ISM2: variants seen among roughly 807,000 people sequenced by gnomAD.
ISM2 encodes the protein isthmin-2.
In ISM2, 50 loss-of-function variants were observed where a neutral mutation model predicts 58.0. The observed-to-expected ratio is 0.86, with a 90% CI of 0.69 to 1.09. ISM2 has a LOEUF of 1.09. ISM2 is among the 50% of genes least tolerant of loss of function. The pLI is 0.00. For missense variants in ISM2, 723 were observed against 745.0 expected, an observed-to-expected ratio of 0.97 and a Z score of 0.34; for synonymous variants, 303 against 312.4, an observed-to-expected ratio of 0.97 and a Z score of 0.32.
chr14:77,477,659 CCT>C (rs2079106543), intron 6 of ISM2, among the ~76,000 whole-genome samples: 1 of 152,218 alleles, frequency 6.6e-6, no homozygotes. Context: ...GCTGACATCC[CCT>C]GTGCCAGCAC....
chr14:77,491,151 C>T (rs2079201220), intron 1 of ISM2, among the ~76,000 whole-genome samples: 1 of 152,228 alleles, frequency 6.6e-6, no homozygotes, highest in African/African-American at 2.4e-5. Flanking sequence ...GACAATGGAC[C>T]GGGACTGAAG....
intron 6 of ISM2, among the ~76,000 whole-genome samples, chr14:77,478,017 G>T (rs1055326648): frequency 6.6e-6 from 1 of 152,314 alleles, no homozygotes; most frequent in East Asian, 1.9e-4. Flanking sequence ...TCTAAGCTCT[G>T]CCGCTCCCAT....
At position 77,475,853 on chromosome 14, in the gene ISM2, T is replaced by C; in HGVS notation, c.1458A>G (p.Thr486=). The C allele has an allele frequency of 2.5e-6, 4 of 1,609,878 alleles. No individual in the cohort carries two copies. The highest frequency in any genetic ancestry group is 2.2e-5 in the East Asian group (1 of 44,866). Residue 486 remains threonine (T), a synonymous_variant, in exon 7 of 7, where the codon ACA becomes ACG. Coordinates refer to ENST00000342219, the MANE Select transcript of ISM2 (RefSeq NM_199296.3). The surrounding 1 kb of genome is among the most constrained non-coding windows in gnomAD (Gnocchi z 4.1). ...CATAGCAGCAGTGCTGGGCGGCCAG[T>C]GTGCTGCTCTCCCCAGACAGCATGG... ...LRSMLSGESS[T]LAAQHCCYDE...
At position 77,478,270 on chromosome 14, in the gene ISM2, G is replaced by C. The variant is rs745524171; in HGVS notation, c.1170C>G (p.Ala390=). 6.2e-7 allele frequency: 1 copy of C among 1,614,144 alleles called. No homozygotes were observed. Among genetic ancestry groups the C allele is most frequent in the Non-Finnish European group, 8.5e-7 (1 of 1,180,000 alleles). The change falls in exon 6 of 7, where the codon GCC becomes GCG. Residue 390 remains alanine, a synonymous_variant. Coordinates refer to ENST00000342219, the MANE Select transcript of ISM2 (RefSeq NM_199296.3). ...GLPSEEWKLL[A]RNATDMHDQD... The stretch of plus-strand genomic sequence containing the variant: ...GATCATGCATGTCCGTAGCATTGCG[G>C]GCCAGGAGCTTCCACTCCTCACTGG...
At chr14:77,483,126 T>C (rs1390404887) in intron 3 of ISM2, among the ~76,000 whole-genome samples, 3 of 152,138 alleles carry the variant, frequency 2.0e-5, no homozygotes, top group Admixed American at 2.0e-4. Context: ...TGCACCACAT[T>C]ATGGATGGAA....
rs1298665060 is a variant in ISM2, at chr14:77,498,375, G to A, written c.141+278C>T. The A allele has an allele frequency of 3.0e-6, 4 of 1,354,546 alleles. No homozygotes were observed. In the South Asian group the frequency reaches 3.9e-5, roughly 13 times the overall value. 83.9% of individuals were successfully genotyped at this position (1,354,546 alleles called of 1,614,324 possible). A position where few individuals can be genotyped will look rare whatever the true frequency, so the allele number is the denominator to read the frequency against. On this transcript the variant is annotated intron_variant, in intron 1 of 6. Transcript: ENST00000342219. ...GGCGAGGAAGCCCGGCCACCGTGGA[G>A]TGTCGGCCACCTCACTCCGCACAGA...
At chr14:77,478,461 T>A (rs991093610) in intron 5 of ISM2, 114 bp downstream of exon 5, 69 of 1,458,040 alleles carry the variant, frequency 4.7e-5, no homozygotes, top group Non-Finnish European at 6.2e-5. Flanking sequence ...AGGACCACCA[T>A]GTTTTTGAGC....
At chr14:77,490,353 C>T (rs1483182176) in intron 1 of ISM2, among the ~76,000 whole-genome samples, 1 of 152,158 alleles carries the variant, frequency 6.6e-6, no homozygotes, top group Non-Finnish European at 1.5e-5. Flanking sequence ...GGCCAGTTGG[C>T]TTTCCCAGGT....
At position 77,475,976 on chromosome 14, in the gene ISM2, C is replaced by G. The variant is rs764436686; in HGVS notation, c.1335G>C (p.Gln445His). The stretch of plus-strand genomic sequence containing the variant: ...GGAAGCTGCGGCCCTGGTGCTCGTC[C>G]TGTAGGCTCACAGGGCTGTCCATGG... Reference protein sequence around the residue: ...LEAMDSPVSLQDEHQGRSFRW... With the variant: ...LEAMDSPVSLHDEHQGRSFRW... Residue 445 changes from glutamine (Q) to histidine (H), a missense_variant, in exon 7 of 7, where the codon CAG (glutamine) becomes CAC (histidine). By Grantham distance (24) the Gln-to-His change is conservative. Transcript: ENST00000342219. This position sits in a 1 kb window ranked among gnomAD's most constrained non-coding sequence, Gnocchi z 4.1. 20 of 1,595,776 alleles carry G rather than the reference C, an allele frequency of 1.3e-5. No individual in the cohort carries two copies. Among genetic ancestry groups the G allele is most frequent in the Non-Finnish European group, 1.7e-5 (20 of 1,177,362 alleles).
chr14:77,497,713 G>A (rs1162230880), intron 1 of ISM2, among the ~76,000 whole-genome samples: 68 of 131,330 alleles, frequency 5.2e-4, no homozygotes, highest in Non-Finnish European at 1.9e-4. Flanking sequence ...ATAAAAGAGA[G>A]GGAGAAAGAA....
intron 3 of ISM2, chr14:77,484,010 A>G: frequency 4.2e-6 from 1 of 238,678 alleles, no homozygotes; most frequent in Non-Finnish European, 8.1e-6. Flanking sequence ...AATCCCTTGT[A>G]GCCTACAAAG....
intron 1 of ISM2, chr14:77,498,198 C>A: frequency 1.4e-5 from 18 of 1,244,600 alleles, no homozygotes; most frequent in Non-Finnish European, 1.8e-5. Context: ...CACTGTGCCT[C>A]CGCTTGTCTC....
rs1490667085 is a variant in ISM2, at chr14:77,484,524, C to A, written c.426G>T (p.Glu142Asp). ...SPDPRPLREE[E>D]EARLLPRTHL... ...GGGTTCTGGGGAGCAGTCGTGCCTC[C>A]TCCTCTTCCCTCAGAGGCCTAGGAT... Residue 142 changes from glutamate (E) to aspartate (D), a missense_variant, in exon 3 of 7, where the codon GAG (glutamate) becomes GAT (aspartate). Glu to Asp is a conservative substitution (Grantham distance 45, BLOSUM62 2). Coordinates refer to ENST00000342219, the MANE Select transcript of ISM2 (RefSeq NM_199296.3). The A allele has an allele frequency of 6.3e-7, 1 of 1,595,310 alleles. No homozygotes were observed. The highest frequency in any genetic ancestry group is 1.7e-5 in the Admixed American group (1 of 58,362).
At chr14:77,482,934 C>T (rs903370515) in intron 3 of ISM2, 27 of 358,172 alleles carry the variant, frequency 7.5e-5, no homozygotes, top group Admixed American at 5.5e-4. Flanking sequence ...TGGGCTGGGG[C>T]CAGGTATGGC....
chr14:77,498,403 T>A (rs1344851220), intron 1 of ISM2: 77 of 1,265,382 alleles, frequency 6.1e-5, no homozygotes, highest in Non-Finnish European at 7.8e-5. Context: ...CGCACAGAAG[T>A]CAAACTTGTC....
intron 3 of ISM2, among the ~76,000 whole-genome samples, chr14:77,483,375 T>C (rs2079144816): frequency 6.6e-6 from 1 of 152,008 alleles, no homozygotes; most frequent in African/African-American, 2.4e-5. Flanking sequence ...CTGGCCAACA[T>C]GGTGAAACCC....
At chr14:77,489,718 A>C (rs1486466553) in intron 1 of ISM2, among the ~76,000 whole-genome samples, 1 of 152,126 alleles carries the variant, frequency 6.6e-6, no homozygotes, top group Non-Finnish European at 1.5e-5. Flanking sequence ...TCCTCACTGT[A>C]ATAAGAGTAG....
chr14:77,498,325 G>A, intron 1 of ISM2: 1 of 1,387,352 alleles, frequency 7.2e-7, no homozygotes, highest in Non-Finnish European at 9.5e-7. Flanking sequence ...ACCTGGAAAG[G>A]GGGCTGCAGG....
chr14:77,494,882 CATTTT>C (rs1398037358), intron 1 of ISM2, among the ~76,000 whole-genome samples: 1 of 150,262 alleles, frequency 6.7e-6, no homozygotes, highest in East Asian at 1.9e-4. Flanking sequence ...TCTCTTTTTT[CATTTT>C]ATTTATTTAT....
Sources: gnomAD v4.1 joint callset for allele counts (sites outside exome capture counted in the v4.1 genomes callset) on GRCh38, gnomAD v4.1.1 for gene constraint, Gnocchi (gnomAD v3.1) non-coding constraint, MANE v1.5 for transcripts, NCBI Gene and HGNC (gene_info 2026-07-23, HGNC 2026-07-21) for gene names.